The following DENND5A variants were observed in gnomAD, a reference collection of about 807,000 sequenced individuals.
The protein encoded by DENND5A is DENN domain-containing protein 5A.
In DENND5A, 64 loss-of-function variants were observed where a neutral mutation model predicts 140.3. That is an observed-to-expected ratio of 0.46 (90% CI 0.37 to 0.56). The LOEUF (loss-of-function observed/expected upper bound fraction) is 0.56. Among genes scored for constraint, DENND5A ranks in the 20% least tolerant of loss-of-function variants. The pLI is 0.00. For synonymous variants in DENND5A, 605 were observed against 607.7 expected (o/e 1.00, Z 0.07); for missense variants, 1,292 against 1,593.8 (o/e 0.81, Z 3.22).
At chr11:9,160,635 C>CAAA in intron 12 of DENND5A, 78 bp downstream of exon 12, 1 of 1,398,464 alleles carries the variant, frequency 7.2e-7, no homozygotes, top group South Asian at 1.4e-5. Context: ...GTCAGCTGGA[C>CAAA]AAAAAGAGTG....
At chr11:9,146,794 C>T (rs546786003) in intron 16 of DENND5A, 10 of 471,200 alleles carry the variant, frequency 2.1e-5, no homozygotes, top group Non-Finnish European at 3.4e-5. Flanking sequence ...AGGACAACAC[C>T]GACAACACAA....
At chr11:9,240,893 T>C (rs556156239) in intron 1 of DENND5A, among the ~76,000 whole-genome samples, 7 of 152,252 alleles carry the variant, frequency 4.6e-5, no homozygotes, top group South Asian at 2.1e-4. Flanking sequence ...ATGTGGCTGA[T>C]AGATGTGGTA....
chr11:9,161,028 T>C (rs1010130625), intron 11 of DENND5A, among the ~76,000 whole-genome samples, 163 bp from the exon 12 acceptor site: 2 of 152,174 alleles, frequency 1.3e-5, no homozygotes, highest in African/African-American at 4.8e-5. Context: ...TAGGTCAGGT[T>C]ACAAGGGAGT....
intron 1 of DENND5A, among the ~76,000 whole-genome samples, chr11:9,257,670 GACA>G (rs1564946319): frequency 6.6e-6 from 1 of 151,306 alleles, no homozygotes; most frequent in East Asian, 2.0e-4. Flanking sequence ...TTTTAGTAGA[GACA>G]GGGTTTCACC....
Position 9,164,056 on chromosome 11 carries a change from G to GTTTTTTTTTTTT in DENND5A, c.2283+1768_2283+1779dup, listed in dbSNP as rs768604681. 2.8e-4 allele frequency among the ~76,000 whole-genome samples: 16 copies of GTTTTTTTTTTTT among 57,978 alleles called. 2 individuals are homozygous for GTTTTTTTTTTTT. Among genetic ancestry groups the GTTTTTTTTTTTT allele is most frequent in the African/African-American group, 3.8e-4 (6 of 15,606 alleles). 38.0% of individuals were successfully genotyped at this position (57,978 alleles called of 152,430 possible). ...ATATCAGTACTGATATATTAATCAG[G>GTTTTTTTTTTTT]TTTTTTTTTTTTTTTTTTTTTTTTT... On this transcript the variant is annotated intron_variant, in intron 11 of 22. Transcript: ENST00000328194.
intron 1 of DENND5A, among the ~76,000 whole-genome samples, chr11:9,209,563 C>T (rs573378588): frequency 2.0e-5 from 3 of 152,208 alleles, no homozygotes; most frequent in South Asian, 2.1e-4. Flanking sequence ...AAGGACTATA[C>T]GGGGTGCCAA....
intron 1 of DENND5A, among the ~76,000 whole-genome samples, chr11:9,208,538 C>T (rs1425628574): frequency 6.6e-6 from 1 of 152,190 alleles, no homozygotes; most frequent in African/African-American, 2.4e-5. Flanking sequence ...TATAATAACT[C>T]TAAGGCACCT....
At chr11:9,229,213 C>T (rs888091235) in intron 1 of DENND5A, among the ~76,000 whole-genome samples, 2 of 152,054 alleles carry the variant, frequency 1.3e-5, no homozygotes, top group Admixed American at 6.6e-5. Flanking sequence ...AATTGGTTAG[C>T]ATAGTGTTAG....
chr11:9,142,450 G>A (rs961619890), intron 21 of DENND5A, among the ~76,000 whole-genome samples: 1 of 152,170 alleles, frequency 6.6e-6, no homozygotes, highest in African/African-American at 2.4e-5. Context: ...ATCTATAAGG[G>A]GAAAGTGTGA....
intron 14 of DENND5A, 69 bp from the exon 15 acceptor site, chr11:9,150,278 T>A: frequency 6.4e-7 from 1 of 1,569,208 alleles, no homozygotes; most frequent in Non-Finnish European, 8.7e-7. Flanking sequence ...ATAACTTACC[T>A]GTAAAGCCAA....
intron 8 of DENND5A, chr11:9,176,705 GAGA>G (rs1422357446): frequency 1.6e-5 from 5 of 312,308 alleles, no homozygotes; most frequent in Non-Finnish European, 3.2e-5. Context: ...GGGGGCATCA[GAGA>G]AGGTTTCATA....
chr11:9,257,056 G>A (rs1178422674), intron 1 of DENND5A, among the ~76,000 whole-genome samples: 1 of 152,066 alleles, frequency 6.6e-6, no homozygotes, highest in Admixed American at 6.6e-5. Context: ...AGTCACTCAG[G>A]CTGGAGTGCA....
chr11:9,245,282 CA>C (rs112989622), intron 1 of DENND5A: 177 of 96,168 alleles, frequency 1.8e-3, no homozygotes, highest in Non-Finnish European at 1.9e-3. Context: ...AGACTGTCAC[CA>C]AAAAAAAAAA....
intron 15 of DENND5A, among the ~76,000 whole-genome samples, chr11:9,148,188 T>G (rs1449107724): frequency 6.6e-6 from 1 of 152,160 alleles, no homozygotes; most frequent in Non-Finnish European, 1.5e-5. Context: ...TGGAAGGCCT[T>G]CTAGAACAAG....
chr11:9,224,624 G>T (rs1850454994), intron 1 of DENND5A, among the ~76,000 whole-genome samples: 1 of 152,066 alleles, frequency 6.6e-6, no homozygotes, highest in Non-Finnish European at 1.5e-5. Flanking sequence ...ACTTTGGGAG[G>T]CTGAGGCAGG....
At chr11:9,222,332 T>A (rs12290477) in intron 1 of DENND5A, among the ~76,000 whole-genome samples, 5,658 of 152,290 alleles carry the variant, frequency 0.037, 362 homozygotes, top group African/African-American at 0.13. Context: ...AATACTATTA[T>A]TATACCTAGA....
chr11:9,259,003 G>A lies in DENND5A; in HGVS notation c.109+5958C>T, dbSNP rs1431718040. 3.9e-5 allele frequency among the ~76,000 whole-genome samples: 6 copies of A among 152,272 alleles called. No individual in the cohort carries two copies. In the East Asian group the frequency reaches 1.2e-3, roughly 29 times the overall value. On this transcript the variant is annotated intron_variant, in intron 1 of 22. Coordinates refer to ENST00000328194, the MANE Select transcript of DENND5A (RefSeq NM_015213.4). ...AGGCTGGGCGCAGTGGCTCACACCT[G>A]TAATCCCAGGACTTTGGGAGGCCGA...
Position 9,143,541 on chromosome 11 carries a change from C to G in DENND5A, c.3305-56G>C, listed in dbSNP as rs138971079. On this transcript the variant is annotated intron_variant, in intron 19 of 22. Coordinates refer to ENST00000328194, the MANE Select transcript of DENND5A (RefSeq NM_015213.4). ...AATCTCTGAGGCTAACAGTGCTTAG[C>G]TGCCTGAGCAGGAGACTGAGGACAC... is the stretch of plus-strand genomic sequence containing the variant. 6 of 1,435,432 alleles carry G rather than the reference C, an allele frequency of 4.2e-6. No homozygotes were observed. The African/African-American group carries it at 4.2e-5, about 10-fold the overall frequency. The allele number at this position is 1,435,432 out of a possible 1,614,324, so 88.9% of individuals were successfully genotyped here.
chr11:9,195,850 G>C (rs1849305593), intron 4 of DENND5A, among the ~76,000 whole-genome samples: 1 of 151,992 alleles, frequency 6.6e-6, no homozygotes, highest in African/African-American at 2.4e-5. Flanking sequence ...ACCCTTGGAA[G>C]CTACTGGGCA....
Sources: gnomAD v4.1 joint callset for allele counts (sites outside exome capture counted in the v4.1 genomes callset) on GRCh38, gnomAD v4.1.1 for gene constraint, MANE v1.5 for transcripts, NCBI Gene and HGNC (gene_info 2026-07-23, HGNC 2026-07-21) for gene names.